ZBTB44: variants seen among roughly 807,000 people sequenced by gnomAD.
ZBTB44 encodes the protein zinc finger and BTB domain-containing protein 44.
A neutral mutation model predicts 54.0 loss-of-function variants in ZBTB44; 15 were observed. The ratio of observed to expected loss-of-function variants is 0.28; its 90% CI spans 0.19 to 0.43. ZBTB44 has a LOEUF of 0.43. Ranked by LOEUF, ZBTB44 falls within the 20% of genes least tolerant of loss-of-function variation. The pLI is 1.00. For missense variants in ZBTB44, 487 were observed against 707.1 expected (o/e 0.69, Z 3.53); for synonymous variants, 230 against 250.1 (o/e 0.92, Z 0.76).
Position 130,261,453 on chromosome 11 carries a change from G to C in ZBTB44, c.421C>G (p.Leu141Val). The C allele has an allele frequency of 6.2e-7, 1 of 1,613,986 alleles. No individual in the cohort carries two copies. Among genetic ancestry groups the C allele is most frequent in the Non-Finnish European group, 8.5e-7 (1 of 1,179,894 alleles). The change falls in exon 2 of 8, where the codon CTA becomes GTA. Residue 141 changes from leucine (L) to valine (V), a missense_variant. Leu to Val is a conservative substitution (Grantham distance 32). This residue lies in a region of ZBTB44 where 277 missense variants were observed against 306.5 expected (regional missense o/e 0.90). Transcript: ENST00000357899. This position sits in a 1 kb window ranked among gnomAD's most constrained non-coding sequence, Gnocchi z 4.8. ...NTPNSQPEKGLDAGQENNSNC... is the reference protein window; with the variant it reads ...NTPNSQPEKGVDAGQENNSNC... ...GAATTATTTTCTTGTCCAGCATCTA[G>C]ACCCTTTTCAGGTTGGCTGTTGGGT... is the stretch of plus-strand genomic sequence containing the variant.
intron 1 of ZBTB44, among the ~76,000 whole-genome samples, chr11:130,276,542 C>T (rs1329503473): frequency 6.6e-6 from 1 of 150,816 alleles, no homozygotes; most frequent in Non-Finnish European, 1.5e-5. Context: ...TCAAGTGATT[C>T]TCTTGCTTCA....
At chr11:130,296,807 A>C (rs1941681666) in intron 1 of ZBTB44, 6 of 752,370 alleles carry the variant, frequency 8.0e-6, no homozygotes, top group Admixed American at 5.3e-5. Context: ...CATACATATG[A>C]GGTTATGATT....
chr11:130,238,442 A>C lies in ZBTB44; in HGVS notation c.1267+2T>G. ...ACGCACCAACAGGGAAGGTGACATT[A>C]CCTGAGTGGATGAGCATGTGCTGCT... is the stretch of plus-strand genomic sequence containing the variant. On this transcript the variant is annotated splice_donor_variant, in intron 4 of 7. Coordinates refer to ENST00000357899, the MANE Select transcript of ZBTB44 (RefSeq NM_001301098.2). LOFTEE classifies it high-confidence loss of function. The C allele has an allele frequency of 1.2e-6, 2 of 1,604,202 alleles. No individual in the cohort carries two copies. Among genetic ancestry groups the C allele is most frequent in the Non-Finnish European group, 1.7e-6 (2 of 1,175,268 alleles).
intron 1 of ZBTB44, among the ~76,000 whole-genome samples, chr11:130,305,043 C>T (rs926394669): frequency 1.3e-5 from 2 of 152,082 alleles, no homozygotes; most frequent in African/African-American, 4.8e-5. Context: ...TAGGAATATA[C>T]CTAACCAAGG....
intron 1 of ZBTB44, among the ~76,000 whole-genome samples, chr11:130,306,636 T>A (rs925117968): frequency 1.3e-5 from 2 of 152,066 alleles, no homozygotes; most frequent in African/African-American, 4.8e-5. Context: ...CAATTCACAA[T>A]TGCAAAAATA....
chr11:130,249,421 T>C (rs987005780), intron 2 of ZBTB44, among the ~76,000 whole-genome samples: 2 of 152,204 alleles, frequency 1.3e-5, no homozygotes, highest in African/African-American at 4.8e-5. Context: ...CACAACTATT[T>C]TGACCCCAAT....
At chr11:130,260,729 C>A in intron 2 of ZBTB44, 127 bp downstream of exon 2, 1 of 1,097,940 alleles carries the variant, frequency 9.1e-7, no homozygotes, top group Non-Finnish European at 1.2e-6. Flanking sequence ...CAAGCAAATC[C>A]AGTTACCATG....
intron 1 of ZBTB44, among the ~76,000 whole-genome samples, chr11:130,304,241 C>T (rs978179097): frequency 1.3e-5 from 2 of 151,978 alleles, no homozygotes; most frequent in African/African-American, 4.8e-5. Context: ...TTCTGAAGTA[C>T]CAAGGACTAT....
At chr11:130,313,126 A>G (rs527858235) in intron 1 of ZBTB44, among the ~76,000 whole-genome samples, 80 of 152,312 alleles carry the variant, frequency 5.3e-4, no homozygotes, top group African/African-American at 1.9e-3. Context: ...AGTACGGTAG[A>G]AAGTACACGA....
chr11:130,313,948 GTATA>G (rs66987405), intron 1 of ZBTB44, among the ~76,000 whole-genome samples: 102,440 of 145,468 alleles, frequency 0.7, 35,947 homozygotes, highest in Admixed American at 0.79. Flanking sequence ...TTGTGTGTGT[GTATA>G]TATATATATA....
chr11:130,270,690 A>G (rs1477068916), intron 1 of ZBTB44, among the ~76,000 whole-genome samples: 1 of 152,216 alleles, frequency 6.6e-6, no homozygotes, highest in Admixed American at 6.5e-5. Flanking sequence ...CCACCTAGGC[A>G]TGATTTTGTA....
rs1204523465 is a variant in ZBTB44 at position 130,310,467 on chromosome 11, C to T, written c.-57+3908G>A. On this transcript the variant is annotated intron_variant, in intron 1 of 7. Coordinates refer to ENST00000357899, the MANE Select transcript of ZBTB44 (RefSeq NM_001301098.2). ...TCCAGCCTGAGCAACACAGTAAATCCCCCGTCTTTAAAAAAAAAAAAAAGT... is the reference window on the plus strand; with the variant it reads ...TCCAGCCTGAGCAACACAGTAAATCTCCCGTCTTTAAAAAAAAAAAAAAGT... 7 of 148,694 alleles carry T rather than the reference C, an allele frequency of 4.7e-5. No homozygotes were observed. In the East Asian group the frequency reaches 1.4e-3, roughly 29 times the overall value. The allele number at this position is 148,694 out of a possible 1,614,324, so 9.2% of individuals were successfully genotyped here. A position where few individuals can be genotyped will look rare whatever the true frequency, so the allele number is the denominator to read the frequency against.
intron 1 of ZBTB44, among the ~76,000 whole-genome samples, chr11:130,284,639 C>T (rs1285557782): frequency 6.6e-6 from 1 of 152,030 alleles, no homozygotes; most frequent in African/African-American, 2.4e-5. Context: ...GAGGCTGAGG[C>T]GGGTGGATCA....
chr11:130,239,560 T>G (rs1954261958), intron 3 of ZBTB44: 1 of 273,748 alleles, frequency 3.7e-6, no homozygotes, highest in African/African-American at 2.2e-5. Context: ...GGCCTGTGGT[T>G]CATAGTTTGC....
intron 2 of ZBTB44, among the ~76,000 whole-genome samples, chr11:130,247,036 T>G (rs1937608997): frequency 6.6e-6 from 1 of 152,200 alleles, no homozygotes; most frequent in South Asian, 2.1e-4. Context: ...CTCTCCTTTC[T>G]GACATCACCA....
At chr11:130,260,821 T>A in intron 2 of ZBTB44, 35 bp downstream of exon 2, 2 of 1,554,114 alleles carry the variant, frequency 1.3e-6, no homozygotes, top group East Asian at 4.5e-5. Context: ...TGAATTGACT[T>A]TATAGCACCA....
rs977915862 is a variant in ZBTB44, at chr11:130,230,368, T to C, written c.*1396A>G. Reference sequence around the variant, plus strand: ...CCAATAATTATGGACATCAGATGTATTGACTAGTCTATTTCATTTGGCAAA... The same window carrying C: ...CCAATAATTATGGACATCAGATGTACTGACTAGTCTATTTCATTTGGCAAA... On this transcript the variant is annotated 3_prime_UTR_variant, in exon 8 of 8. Transcript: ENST00000357899. The C allele has an allele frequency of 2.0e-5, 3 of 151,696 alleles. No individual in the cohort carries two copies. Among genetic ancestry groups the C allele is most frequent in the South Asian group, 2.1e-4 (1 of 4,818 alleles). 9.4% of individuals were successfully genotyped at this position (151,696 alleles called of 1,614,324 possible).
intron 1 of ZBTB44, among the ~76,000 whole-genome samples, chr11:130,304,662 G>C (rs1288541130): frequency 6.6e-6 from 1 of 151,920 alleles, no homozygotes; most frequent in African/African-American, 2.4e-5. Flanking sequence ...TACATATTCA[G>C]AGAAACTTCT....
At chr11:130,233,701 A>G (rs1953982193) in intron 6 of ZBTB44, 1 of 1,210,222 alleles carries the variant, frequency 8.3e-7, no homozygotes, top group South Asian at 2.2e-5. Context: ...TTGTTAGCCT[A>G]CTTTTAACAA....
Sources: gnomAD v4.1 joint callset for allele counts (sites outside exome capture counted in the v4.1 genomes callset) on GRCh38, gnomAD v4.1.1 for gene constraint, gnomAD v4.1.1 regional missense constraint, Gnocchi (gnomAD v3.1) non-coding constraint, MANE v1.5 for transcripts, NCBI Gene and HGNC (gene_info 2026-07-23, HGNC 2026-07-21) for gene names.